Variants in DLG2 observed in about 807,000 individuals in gnomAD.
DLG2 encodes discs large MAGUK scaffold protein 2, also known as disks large homolog 2.
DLG2 carries 45 observed loss-of-function variants against 132.5 expected under a neutral mutation model. That is an observed-to-expected ratio of 0.34 (90% CI 0.27 to 0.44). The LOEUF is 0.44. Among genes scored for constraint, DLG2 ranks in the 20% least tolerant of loss-of-function variants. The pLI, the probability that DLG2 is intolerant of heterozygous loss-of-function variation, is 1.00. For synonymous variants in DLG2, 424 were observed against 419.6 expected (o/e 1.01, Z -0.13); for missense variants, 1,045 against 1,196.9 (o/e 0.87, Z 1.87).
chr11:84,134,665 C>T (rs991879919), intron 9 of DLG2, among the ~76,000 whole-genome samples: 11 of 150,504 alleles, frequency 7.3e-5, no homozygotes, highest in African/African-American at 9.8e-5. Flanking sequence ...CACATGTAGT[C>T]TTGTCTCAAG....
At chr11:84,527,591 A>G (rs1381451352) in intron 7 of DLG2, among the ~76,000 whole-genome samples, 1 of 152,200 alleles carries the variant, frequency 6.6e-6, no homozygotes, top group East Asian at 1.9e-4. Flanking sequence ...ATTCGAAGAC[A>G]CACAATAATA....
intron 20 of DLG2, among the ~76,000 whole-genome samples, chr11:83,535,091 T>C (rs2095849319): frequency 6.6e-6 from 1 of 152,258 alleles, no homozygotes; most frequent in Non-Finnish European, 1.5e-5. Flanking sequence ...AAATGCTCAC[T>C]GATAAAATGC....
intron 3 of DLG2, among the ~76,000 whole-genome samples, chr11:85,489,913 T>C (rs1366899360): frequency 3.3e-5 from 5 of 152,082 alleles, no homozygotes; most frequent in Admixed American, 3.3e-4. Flanking sequence ...AATAAAAATA[T>C]TTTTTTCTTG....
chr11:85,331,972 G>A (rs2081787789), intron 3 of DLG2, among the ~76,000 whole-genome samples: 1 of 151,968 alleles, frequency 6.6e-6, no homozygotes, highest in South Asian at 2.1e-4. Context: ...ATTCCTTTGG[G>A]GTATATACCC....
At chr11:84,545,192 T>A in intron 6 of DLG2, 3 of 455,554 alleles carry the variant, frequency 6.6e-6, no homozygotes, top group Non-Finnish European at 8.6e-6. Flanking sequence ...CCTCCTTGGT[T>A]TCATGGTTTG....
chr11:85,586,815 T>C (rs1008901530), intron 3 of DLG2, among the ~76,000 whole-genome samples: 2 of 152,214 alleles, frequency 1.3e-5, no homozygotes, highest in Non-Finnish European at 2.9e-5. Flanking sequence ...CTTTCAGACT[T>C]TTTGATGTAA....
chr11:85,285,124 G>T (rs1312693802), intron 4 of DLG2, 96 bp downstream of exon 4: 2 of 1,058,118 alleles, frequency 1.9e-6, no homozygotes, highest in Non-Finnish European at 2.7e-6. Flanking sequence ...TATTGTTGTT[G>T]CCATTTGTTG....
At chr11:84,240,990 T>C (rs537342581) in intron 8 of DLG2, among the ~76,000 whole-genome samples, 1 of 152,334 alleles carries the variant, frequency 6.6e-6, no homozygotes, top group East Asian at 1.9e-4. Context: ...ATTATGCTAT[T>C]GCTCTGTGCT....
At chr11:85,477,864 G>A (rs144414151) in intron 3 of DLG2, among the ~76,000 whole-genome samples, 13 of 152,172 alleles carry the variant, frequency 8.5e-5, no homozygotes, top group African/African-American at 1.7e-4. Flanking sequence ...TATTCATAGC[G>A]TTTCTTTTGT....
intron 6 of DLG2, among the ~76,000 whole-genome samples, chr11:84,648,832 A>G (rs193046786): frequency 1.3e-5 from 2 of 152,144 alleles, no homozygotes. Context: ...CCTCACCAGA[A>G]GCAGATGCTC....
chr11:85,144,154 A>G (rs1159441663), intron 5 of DLG2, among the ~76,000 whole-genome samples: 2 of 151,810 alleles, frequency 1.3e-5, no homozygotes, highest in African/African-American at 4.8e-5. Flanking sequence ...CTCTTGCCAA[A>G]TGGACTCCTT....
intron 6 of DLG2, among the ~76,000 whole-genome samples, chr11:84,637,626 C>A (rs1445574133): frequency 6.6e-6 from 1 of 152,186 alleles, no homozygotes; most frequent in Non-Finnish European, 1.5e-5. Flanking sequence ...TTCATTTGTT[C>A]TTGTCTGGGG....
At chr11:83,720,677 C>T (rs1326236109) in intron 18 of DLG2, among the ~76,000 whole-genome samples, 1 of 150,884 alleles carries the variant, frequency 6.6e-6, no homozygotes, top group Non-Finnish European at 1.5e-5. Flanking sequence ...AATATTAACA[C>T]ATTGAAATGA....
chr11:84,438,686 G>T (rs992533410), intron 7 of DLG2, among the ~76,000 whole-genome samples: 1 of 152,166 alleles, frequency 6.6e-6, no homozygotes, highest in Admixed American at 6.5e-5. Context: ...TAAGGTCAAT[G>T]CTAAGAGACA....
At chr11:84,920,081 T>C (rs1267541405) in intron 6 of DLG2, among the ~76,000 whole-genome samples, 1 of 152,224 alleles carries the variant, frequency 6.6e-6, no homozygotes, top group Non-Finnish European at 1.5e-5. Flanking sequence ...ATTCATTTCA[T>C]TTCCTTCTGT....
chr11:85,498,635 C>T (rs1050851647), intron 3 of DLG2, among the ~76,000 whole-genome samples: 2 of 152,160 alleles, frequency 1.3e-5, no homozygotes, highest in African/African-American at 4.8e-5. Flanking sequence ...ACATTCTTCT[C>T]AGCACCACAT....
At chr11:84,343,531 C>T (rs1437726378) in intron 7 of DLG2, among the ~76,000 whole-genome samples, 2 of 152,126 alleles carry the variant, frequency 1.3e-5, no homozygotes, top group African/African-American at 4.8e-5. Context: ...CATTCCTTGT[C>T]TTCGAGGAGC....
At position 85,246,343 on chromosome 11, in the gene DLG2, T is replaced by A. The variant is rs1383019982; in HGVS notation, c.186+38877A>T. Among the ~76,000 whole-genome samples, 3 of 151,958 alleles carry A rather than the reference T, an allele frequency of 2.0e-5. No individual in the cohort carries two copies. The East Asian group carries it at 5.8e-4, about 29-fold the overall frequency. On this transcript the variant is annotated intron_variant, in intron 4 of 27. Transcript: ENST00000376104. ...CATCAGACTAGCTGACTAGCCCCAA[T>A]GAATGTTAGAAAACAGGTCAGTAAG...
chr11:84,808,244 A>T (rs1321966694), intron 6 of DLG2, among the ~76,000 whole-genome samples: 1 of 152,148 alleles, frequency 6.6e-6, no homozygotes, highest in Non-Finnish European at 1.5e-5. Context: ...ATGTGTCAAG[A>T]GAAAGTCTCA....
Sources: gnomAD v4.1 joint callset for allele counts (sites outside exome capture counted in the v4.1 genomes callset) on GRCh38, gnomAD v4.1.1 for gene constraint, MANE v1.5 for transcripts, NCBI Gene and HGNC (gene_info 2026-07-23, HGNC 2026-07-21) for gene names.